Variants in APEX2 observed in about 807,000 individuals in gnomAD.
APEX2 encodes DNA-(apurinic or apyrimidinic site) endonuclease 2.
In APEX2, 4 loss-of-function variants were observed where a neutral mutation model predicts 16.7. That is an observed-to-expected ratio of 0.24 (90% CI 0.12 to 0.55). APEX2 has a LOEUF of 0.55. APEX2 is among the 20% of genes least tolerant of loss of function. APEX2 has a pLI of 0.94. For missense variants in APEX2, 357 were observed against 433.6 expected (o/e 0.82, Z 1.57); for synonymous variants, 181 against 166.9 (o/e 1.08, Z -0.65).
chrX:55,002,189 G>C, intron 2 of APEX2, 62 bp from the exon 3 acceptor site: 1 of 1,050,402 alleles, frequency 9.5e-7, no homozygotes, highest in Non-Finnish European at 1.3e-6. Context: ...ATTGGAGTGG[G>C]ACAGGCTGTG....
Position 55,006,945 on chromosome X carries a change from C to T in APEX2, c.1067C>T (p.Thr356Met). The change falls in exon 6 of 6, where the codon ACG becomes ATG. Residue 356 changes from threonine (T) to methionine (M), a missense_variant. Transcript: ENST00000374987. ...LEQSPVLEQS[T>M]LQHNNQTRVQ... ...CAAAGTCCTGTGTTGGAGCAGTCGA[C>T]GCTGCAGCACAACAATCAAACCCGG... 3.3e-6 allele frequency: 4 copies of T among 1,211,859 alleles called. No individual in the cohort carries two copies. The highest frequency in any genetic ancestry group is 1.8e-5 in the South Asian group (1 of 56,979).
Position 55,002,420 on chromosome X carries a change from G to A in APEX2, c.411G>A (p.Gln137=). ...GTGAGGGCAGGGCCCTCCTCACACA[G>A]CATAAGATCCGGTAATAGCTCATAT... The part of the protein sequence containing the change: ...LDSEGRALLT[Q]HKIRTWEGKE... The change falls in exon 3 of 6, where the codon CAG becomes CAA. Residue 137 remains glutamine (Q), a synonymous_variant. Coordinates refer to ENST00000374987, the MANE Select transcript of APEX2 (RefSeq NM_014481.4). 8.4e-7 allele frequency: 1 copy of A among 1,190,744 alleles called. No homozygotes were observed.
intron 1 of APEX2, 45 bp from the exon 2 acceptor site, chrX:55,001,501 A>T (rs370224775): frequency 3.6e-4 from 374 of 1,048,742 alleles, no homozygotes; most frequent in Non-Finnish European, 4.7e-4. Flanking sequence ...TGTTTCTCGG[A>T]TGCTAGTTTT....
In APEX2 at chrX:55,007,271, C is replaced by G; in HGVS notation, c.1393C>G (p.Arg465Gly). Residue 465 changes from arginine (R) to glycine (G), a missense_variant, in exon 6 of 6, where the codon CGC (arginine) becomes GGC (glycine). Coordinates refer to ENST00000374987, the MANE Select transcript of APEX2 (RefSeq NM_014481.4). ...GAAGTCTGTGCTGGCGGGGCCCTTG[C>G]GCACACCCCTCTGTGGGGGCCACAG... is the stretch of plus-strand genomic sequence containing the variant. ...FWKSVLAGPL[R>G]TPLCGGHREP... 3 of 1,212,012 alleles carry G rather than the reference C, an allele frequency of 2.5e-6. No homozygotes were observed. Among genetic ancestry groups the G allele is most frequent in the African/African-American group, 1.7e-5 (1 of 57,911 alleles).
rs767858928 is a variant in APEX2, at chrX:55,007,136, G to A, written c.1258G>A (p.Ala420Thr). 21 of 1,210,141 alleles carry A rather than the reference G, an allele frequency of 1.7e-5. No individual in the cohort carries two copies. Among genetic ancestry groups the A allele is most frequent in the African/African-American group, 3.5e-5 (2 of 57,166 alleles). The change falls in exon 6 of 6, where the codon GCC becomes ACC. Residue 420 changes from alanine to threonine, a missense_variant. Transcript: ENST00000374987. ...IELPSLPLMS[A>T]LMTPKTPEEK... ...GCTGCCTAGCCTACCACTGATGAGCGCCCTCATGACCCCGAAGACTCCAGA... is the reference window on the plus strand; with the variant it reads ...GCTGCCTAGCCTACCACTGATGAGCACCCTCATGACCCCGAAGACTCCAGA...
chrX:55,002,018 A>G (rs1935450328), intron 2 of APEX2, among the ~76,000 whole-genome samples: 2 of 112,451 alleles, frequency 1.8e-5, no homozygotes, highest in Admixed American at 9.4e-5. Flanking sequence ...TGTGATAATA[A>G]TAATTGCTAA....
In APEX2 at chrX:55,007,334, C is replaced by T; in HGVS notation, c.1456C>T (p.Pro486Ser). 5.0e-6 allele frequency: 6 copies of T among 1,208,183 alleles called. No individual in the cohort carries two copies. The highest frequency in any genetic ancestry group is 6.7e-6 in the Non-Finnish European group (6 of 892,969). ...GATGCGTACTGTGAAGAAGCCAGGA[C>T]CCAACTTGGGCCGCCGCTTCTACAT... ...CVMRTVKKPG[P>S]NLGRRFYMCA... The change falls in exon 6 of 6, where the codon CCC (proline) becomes TCC (serine). Residue 486 changes from proline to serine, a missense_variant. Physicochemically the swap from Pro to Ser is moderately conservative, Grantham distance 74 (BLOSUM62 -1). Coordinates refer to ENST00000374987, the MANE Select transcript of APEX2 (RefSeq NM_014481.4).
rs759281654 is a variant in APEX2, at chrX:55,000,416, C to T, written c.-7C>T. ...GCGCGGGCTGGGAGGTGTTCCAGCC[C>T]TTTAAGATGTTGCGCGTGGTGAGCT... On this transcript the variant is annotated 5_prime_UTR_variant, in exon 1 of 6. Coordinates refer to ENST00000374987, the MANE Select transcript of APEX2 (RefSeq NM_014481.4). 7 of 1,180,463 alleles carry T rather than the reference C, an allele frequency of 5.9e-6. No individual in the cohort carries two copies. The highest frequency in any genetic ancestry group is 2.3e-6 in the Non-Finnish European group (2 of 879,089).
intron 3 of APEX2, 114 bp downstream of exon 3, chrX:55,002,545 G>T (rs184132341): frequency 1.9e-5 from 18 of 934,012 alleles, no homozygotes; most frequent in African/African-American, 1.2e-4. Flanking sequence ...TCCCAAATTT[G>T]CCTTTCCTGG....
Position 55,002,864 on chromosome X carries a change from A to G in APEX2, c.423-98A>G, listed in dbSNP as rs1475195538. The G allele has an allele frequency of 4.0e-6, 4 of 1,001,882 alleles. No homozygotes were observed. The Admixed American group carries it at 9.6e-5, about 24-fold the overall frequency. 82.6% of individuals were successfully genotyped at this position (1,001,882 alleles called of 1,213,427 possible). ...TGTCTCTTTAACCCCTTTCTTTTCC[A>G]TCCCAGACAGTCACAAAATGGAAGC... is the stretch of plus-strand genomic sequence containing the variant. On this transcript the variant is annotated intron_variant, in intron 3 of 5. Transcript: ENST00000374987.
chrX:55,002,525 G>A (rs1165157126), intron 3 of APEX2, 94 bp downstream of exon 3: 29 of 1,016,172 alleles, frequency 2.9e-5, no homozygotes, highest in Non-Finnish European at 3.5e-5. Context: ...TACATGCACC[G>A]TGGAGAAGTT....
At chrX:55,002,866 C>T in intron 3 of APEX2, 96 bp from the exon 4 acceptor site, 1 of 1,011,603 alleles carries the variant, frequency 9.9e-7, no homozygotes, top group Non-Finnish European at 1.3e-6. Flanking sequence ...TCTTTTCCAT[C>T]CCAGACAGTC....
At position 55,001,648 on chromosome X, in the gene APEX2, G is replaced by C. The variant is rs768092993; in HGVS notation, c.241+19G>C. 8.6e-7 allele frequency: 1 copy of C among 1,168,174 alleles called. No individual in the cohort carries two copies. The highest frequency in any genetic ancestry group is 1.8e-5 in the African/African-American group (1 of 56,025). ...TATTCTGGTAAATGGGGCTTTCTGT[G>C]GACTTTAAATTAGTGAGGGAGGCAG... is the stretch of plus-strand genomic sequence containing the variant. On this transcript the variant is annotated intron_variant, in intron 2 of 5. Transcript: ENST00000374987.
intron 5 of APEX2, among the ~76,000 whole-genome samples, chrX:55,005,064 C>T (rs766838741): frequency 9.0e-6 from 1 of 111,510 alleles, no homozygotes; most frequent in South Asian, 3.8e-4. Flanking sequence ...AGAGAAGGGA[C>T]CGTGGGAATA....
chrX:55,007,605 A>G lies in APEX2; in HGVS notation c.*170A>G. ...CTTCCTACCTAGCTCCTTGTTGGTG[A>G]GCTTCTTGTGCCTTAATCCTGTGAC... On this transcript the variant is annotated 3_prime_UTR_variant, in exon 6 of 6. Coordinates refer to ENST00000374987, the MANE Select transcript of APEX2 (RefSeq NM_014481.4). 2 of 546,804 alleles carry G rather than the reference A, an allele frequency of 3.7e-6. No homozygotes were observed. Among genetic ancestry groups the G allele is most frequent in the Non-Finnish European group, 5.5e-6 (2 of 366,217 alleles). 45.1% of individuals were successfully genotyped at this position (546,804 alleles called of 1,213,427 possible).
rs766645591 is a variant in APEX2 at position 55,003,002 on chromosome X, G to T, written c.463G>T (p.Val155Leu). 2.5e-6 allele frequency: 3 copies of T among 1,211,186 alleles called. No homozygotes were observed. Among genetic ancestry groups the T allele is most frequent in the Non-Finnish European group, 2.2e-6 (2 of 895,167 alleles). The change falls in exon 4 of 6, where the codon GTG becomes TTG. Residue 155 changes from valine to leucine, a missense_variant. Coordinates refer to ENST00000374987, the MANE Select transcript of APEX2 (RefSeq NM_014481.4). ...GGAGAAGACCTTGACCCTAATCAAC[G>T]TGTACTGCCCCCATGCGGACCCTGG... ...GKEKTLTLIN[V>L]YCPHADPGRP...
At chrX:55,003,657 G>T in intron 4 of APEX2, 142 bp from the exon 5 acceptor site, 2 of 488,417 alleles carry the variant, frequency 4.1e-6, no homozygotes, top group Non-Finnish European at 6.9e-6. Flanking sequence ...GGTAAGATTG[G>T]AGAGGTAGGC....
chrX:55,001,292 C>A (rs1242712047), intron 1 of APEX2, among the ~76,000 whole-genome samples: 2 of 110,520 alleles, frequency 1.8e-5, no homozygotes, highest in Non-Finnish European at 3.8e-5. Context: ...CTTTCCCCTT[C>A]CCACCTAATT....
rs924702846 is a variant in APEX2 at position 55,007,532 on chromosome X, G to C, written c.*97G>C. ...AGCTGCCTCCTGCTTCTCCCTCAAA[G>C]TCTCCTACCCTTCTCTTCCTCTTTT... On this transcript the variant is annotated 3_prime_UTR_variant, in exon 6 of 6. Transcript: ENST00000374987. 15 of 937,901 alleles carry C rather than the reference G, an allele frequency of 1.6e-5. No individual in the cohort carries two copies. The highest frequency in any genetic ancestry group is 2.0e-5 in the Non-Finnish European group (14 of 700,807). The allele number at this position is 937,901 out of a possible 1,213,427, so 77.3% of individuals were successfully genotyped here.
Sources: allele counts gnomAD v4.1 joint callset (sites outside exome capture counted in the v4.1 genomes callset), GRCh38; gene constraint gnomAD v4.1.1; transcripts MANE v1.5; gene names NCBI Gene and HGNC (gene_info 2026-07-23, HGNC 2026-07-21).